Variants in SPPL3 observed in about 807,000 individuals in gnomAD.
SPPL3 encodes the protein signal peptide peptidase-like 3.
A neutral mutation model predicts 42.4 loss-of-function variants in SPPL3; 5 were observed. The ratio of observed to expected loss-of-function variants is 0.12; its 90% confidence interval spans 0.06 to 0.25. SPPL3 has a LOEUF of 0.25. SPPL3 is among the 10% of genes least tolerant of loss of function. SPPL3 has a pLI of 1.00. For synonymous variants in SPPL3, 195 were observed against 181.8 expected (o/e 1.07, Z -0.58); for missense variants, 235 against 489.0 (o/e 0.48, Z 4.90).
chr12:120,848,402 T>G (rs1028870122), intron 1 of SPPL3, among the ~76,000 whole-genome samples: 2 of 152,138 alleles, frequency 1.3e-5, no homozygotes, highest in Admixed American at 6.5e-5. Flanking sequence ...GACCTCAAGT[T>G]AAAGTGCTTG....
intron 1 of SPPL3, among the ~76,000 whole-genome samples, chr12:120,889,302 G>C (rs1321850025): frequency 1.3e-5 from 2 of 152,184 alleles, no homozygotes; most frequent in African/African-American, 4.8e-5. Flanking sequence ...TTGCATTAGA[G>C]GCATTAATTC....
At position 120,885,849 on chromosome 12, in the gene SPPL3, C is replaced by CTT. The variant is rs142907503; in HGVS notation, c.23+17994_23+17995dup. ...GAGTAAAGTCATTCAAACATTAAAA[C>CTT]TTTTTTTTTTTTTTTTTTTTTTGAG... On this transcript the variant is annotated intron_variant, in intron 1 of 10. Transcript: ENST00000353487. 4.8e-3 allele frequency among the ~76,000 whole-genome samples: 578 copies of CTT among 121,552 alleles called. 6 individuals carry two copies. The highest frequency in any genetic ancestry group is 0.016 in the African/African-American group (511 of 31,914). 79.7% of individuals were successfully genotyped at this position (121,552 alleles called of 152,430 possible).
intron 1 of SPPL3, among the ~76,000 whole-genome samples, chr12:120,851,625 A>G (rs972099189): frequency 6.6e-6 from 1 of 152,040 alleles, no homozygotes; most frequent in Non-Finnish European, 1.5e-5. Flanking sequence ...TTTTTTTGAG[A>G]CAGGGTTTCA....
chr12:120,904,004 G>A lies in SPPL3; in HGVS notation c.-137C>T, dbSNP rs928811251. The A allele has an allele frequency of 1.6e-4, 120 of 737,306 alleles. No individual in the cohort carries two copies. The African/African-American group carries it at 2.1e-3, about 13-fold the overall frequency. The allele number at this position is 737,306 out of a possible 1,614,324, so 45.7% of individuals were successfully genotyped here. ...CGCTCGCTGGCTCGCTGGCTGCACG[G>A]CGGGCCGGGAAGGCGGCTGGCGGGG... On this transcript the variant is annotated 5_prime_UTR_variant, in exon 1 of 11. Transcript: ENST00000353487.
At chr12:120,827,482 T>C (rs1283561773) in intron 1 of SPPL3, among the ~76,000 whole-genome samples, 1 of 152,096 alleles carries the variant, frequency 6.6e-6, no homozygotes, top group Non-Finnish European at 1.5e-5. Flanking sequence ...CTGAGGAACA[T>C]ACTTCCACTA....
chr12:120,802,677 C>T (rs1870358018), intron 2 of SPPL3, among the ~76,000 whole-genome samples: 1 of 151,928 alleles, frequency 6.6e-6, no homozygotes, highest in Non-Finnish European at 1.5e-5. Context: ...TCACGTGATC[C>T]TCCCACCTTG....
chr12:120,789,820 G>A (rs1340501780), intron 3 of SPPL3, among the ~76,000 whole-genome samples: 6 of 63,598 alleles, frequency 9.4e-5, no homozygotes, highest in Admixed American at 2.3e-4. Flanking sequence ...GCAAGACTCC[G>A]TCTCAAAAAA....
At chr12:120,832,608 G>A (rs1347449923) in intron 1 of SPPL3, among the ~76,000 whole-genome samples, 1 of 152,002 alleles carries the variant, frequency 6.6e-6, no homozygotes, top group Admixed American at 6.6e-5. Context: ...GGAGGTTGCA[G>A]TGAGCTGAGA....
chr12:120,822,100 G>A (rs1398922326), intron 1 of SPPL3, among the ~76,000 whole-genome samples: 2 of 152,170 alleles, frequency 1.3e-5, no homozygotes, highest in African/African-American at 2.4e-5. Flanking sequence ...GAGAGAAAGG[G>A]AATGGGGAGT....
At chr12:120,817,428 G>A (rs1010878065) in intron 1 of SPPL3, among the ~76,000 whole-genome samples, 3 of 152,158 alleles carry the variant, frequency 2.0e-5, no homozygotes, top group African/African-American at 7.2e-5. Flanking sequence ...AGATGACCCT[G>A]TTTCCAGGTG....
intron 1 of SPPL3, among the ~76,000 whole-genome samples, chr12:120,813,022 G>C (rs1870733587): frequency 1.3e-5 from 2 of 152,250 alleles, no homozygotes; most frequent in East Asian, 1.9e-4. Context: ...ATTGAAATTG[G>C]GTGAGAAGTT....
intron 1 of SPPL3, among the ~76,000 whole-genome samples, chr12:120,818,609 C>G (rs1361691941): frequency 1.3e-5 from 2 of 152,134 alleles, no homozygotes; most frequent in African/African-American, 4.8e-5. Flanking sequence ...TATGTGTCAG[C>G]CTTCCAGCTA....
At chr12:120,859,814 G>A (rs1052169536) in intron 1 of SPPL3, among the ~76,000 whole-genome samples, 4 of 152,124 alleles carry the variant, frequency 2.6e-5, no homozygotes, top group Non-Finnish European at 4.4e-5. Context: ...ATGGTGGTGC[G>A]CACCTGTACT....
chr12:120,820,737 G>A (rs1326433118), intron 1 of SPPL3, among the ~76,000 whole-genome samples: 1 of 151,936 alleles, frequency 6.6e-6, no homozygotes, highest in Non-Finnish European at 1.5e-5. Flanking sequence ...GGTATGTTAT[G>A]AAATAAAAAT....
chr12:120,876,702 T>C (rs1423274916), intron 1 of SPPL3, among the ~76,000 whole-genome samples: 1 of 150,602 alleles, frequency 6.6e-6, no homozygotes, highest in African/African-American at 2.4e-5. Flanking sequence ...ATGTACAGCA[T>C]GCAGCTAAAA....
intron 3 of SPPL3, among the ~76,000 whole-genome samples, chr12:120,788,288 C>T (rs1869790871): frequency 6.6e-6 from 1 of 152,164 alleles, no homozygotes; most frequent in South Asian, 2.1e-4. Flanking sequence ...TGCCATAGTT[C>T]CTGGCAGGCC....
intron 2 of SPPL3, among the ~76,000 whole-genome samples, chr12:120,795,428 T>C (rs1326458198): frequency 6.6e-6 from 1 of 152,248 alleles, no homozygotes; most frequent in Non-Finnish European, 1.5e-5. Flanking sequence ...AGATGAATTC[T>C]TTCCGGTAGT....
chr12:120,865,655 G>T (rs1442418785), intron 1 of SPPL3, among the ~76,000 whole-genome samples: 1 of 152,174 alleles, frequency 6.6e-6, no homozygotes, highest in Non-Finnish European at 1.5e-5. Flanking sequence ...TTGTAGCAAT[G>T]AAATTTTATA....
chr12:120,819,750 T>TA (rs1870994247), intron 1 of SPPL3, among the ~76,000 whole-genome samples: 1 of 152,208 alleles, frequency 6.6e-6, no homozygotes, highest in Non-Finnish European at 1.5e-5. Flanking sequence ...TCACTTAGTG[T>TA]ACTCAAGGGT....
Sources: allele counts gnomAD v4.1 joint callset (sites outside exome capture counted in the v4.1 genomes callset), GRCh38; gene constraint gnomAD v4.1.1; transcripts MANE v1.5; gene names NCBI Gene and HGNC (gene_info 2026-07-23, HGNC 2026-07-21).